The following NRXN3 variants were observed in gnomAD, a reference collection of about 807,000 sequenced individuals.
NRXN3 encodes the protein neurexin 3.
A neutral mutation model predicts 137.6 loss-of-function variants in NRXN3; 32 were observed. The observed-to-expected ratio is 0.23, with a 90% confidence interval of 0.18 to 0.31. The LOEUF (loss-of-function observed/expected upper bound fraction) is 0.31, where lower values mean the gene tolerates loss of function less well. Among genes scored for constraint, NRXN3 ranks in the 10% least tolerant of loss-of-function variants. The pLI, the probability that NRXN3 is intolerant of heterozygous loss-of-function variation, is 1.00. For synonymous variants in NRXN3, 798 were observed against 784.5 expected (o/e 1.02, Z -0.29); for missense variants, 1,574 against 2,062.5 (o/e 0.76, Z 4.59).
At chr14:79,027,529 A>G (rs778625023) in intron 15 of NRXN3, among the ~76,000 whole-genome samples, 2 of 152,152 alleles carry the variant, frequency 1.3e-5, no homozygotes, top group Non-Finnish European at 2.9e-5. Context: ...GGTTAATACA[A>G]ATTGAAGGTT....
At chr14:78,717,948 G>T (rs1440730752) in intron 8 of NRXN3, among the ~76,000 whole-genome samples, 1 of 152,022 alleles carries the variant, frequency 6.6e-6, no homozygotes, top group Non-Finnish European at 1.5e-5. Context: ...CCAGAGAAGG[G>T]GATCCAAGCT....
At chr14:78,489,491 G>C (rs943862250) in intron 4 of NRXN3, among the ~76,000 whole-genome samples, 2 of 152,124 alleles carry the variant, frequency 1.3e-5, no homozygotes, top group African/African-American at 2.4e-5. Flanking sequence ...CGCACACACA[G>C]AGGATATTTT....
chr14:78,314,910 T>C lies in NRXN3; in HGVS notation c.757+17050T>C, dbSNP rs200898704. On this transcript the variant is annotated intron_variant, in intron 4 of 20. Transcript: ENST00000335750. ...CTTTCTTTCTCTTTCTTTCTTTCTT[T>C]CTTTCTTTCTTTCTTTCTTTCTTTC... Among the ~76,000 whole-genome samples, 9 of 111,656 alleles carry C rather than the reference T, an allele frequency of 8.1e-5. No individual in the cohort carries two copies. In the South Asian group the frequency reaches 1.3e-3, roughly 16 times the overall value. The allele number at this position is 111,656 out of a possible 152,430, so 73.3% of individuals were successfully genotyped here. A position where few individuals can be genotyped will look rare whatever the true frequency, so the allele number is the denominator to read the frequency against.
At chr14:79,445,883 T>A (rs980907742) in intron 15 of NRXN3, among the ~76,000 whole-genome samples, 1 of 152,170 alleles carries the variant, frequency 6.6e-6, no homozygotes, top group African/African-American at 2.4e-5. Context: ...GGAATCCATT[T>A]GAGAATTGTG....
chr14:78,247,016 G>A lies in NRXN3; in HGVS notation c.709+3214G>A, dbSNP rs116485876. ...GGCTTGCACCTGGCATGGAAGGTCC[G>A]TTTTGTACTTCTTGCTTTAGCAGTT... On this transcript the variant is annotated intron_variant, in intron 2 of 20. Coordinates refer to ENST00000335750, the MANE Select transcript of NRXN3 (RefSeq NM_001330195.2). 6.7e-3 allele frequency among the ~76,000 whole-genome samples: 1,021 copies of A among 152,310 alleles called. 9 individuals carry two copies. The highest frequency in any genetic ancestry group is 0.023 in the African/African-American group (962 of 41,554).
At chr14:79,432,459 G>A (rs1160240219) in intron 15 of NRXN3, among the ~76,000 whole-genome samples, 3 of 151,996 alleles carry the variant, frequency 2.0e-5, no homozygotes, top group Admixed American at 6.6e-5. Flanking sequence ...TTGACAAGGC[G>A]CTTCTATGAT....
intron 4 of NRXN3, among the ~76,000 whole-genome samples, chr14:78,553,139 G>A (rs1273115659): frequency 6.6e-6 from 1 of 152,092 alleles, no homozygotes; most frequent in African/African-American, 2.4e-5. Context: ...TGTAGGCAGA[G>A]CTTTTTTATT....
intron 4 of NRXN3, among the ~76,000 whole-genome samples, chr14:78,527,991 G>A (rs1053303254): frequency 6.6e-6 from 1 of 152,206 alleles, no homozygotes; most frequent in African/African-American, 2.4e-5. Flanking sequence ...GCAGACAACT[G>A]TCTGCTGCTT....
chr14:78,894,623 A>G (rs1180212547), intron 10 of NRXN3, among the ~76,000 whole-genome samples: 1 of 151,930 alleles, frequency 6.6e-6, no homozygotes, highest in African/African-American at 2.4e-5. Flanking sequence ...AATGTTCTTT[A>G]TGGCATTTAC....
rs559480106 is a variant in NRXN3, at chr14:79,737,730, C to CT, written c.4014+39805dup. On this transcript the variant is annotated intron_variant, in intron 19 of 20. Transcript: ENST00000335750. The stretch of plus-strand genomic sequence containing the variant: ...TGGTGTGGCATTCTTTTCTTTCTTT[C>CT]TTTTTTTTTTTTAAGTCAGGGTCTC... Among the ~76,000 whole-genome samples the CT allele has an allele frequency of 4.9e-3, 707 of 144,426 alleles. 3 individuals are homozygous for CT. Among genetic ancestry groups the CT allele is most frequent in the Middle Eastern group, 0.014 (4 of 282 alleles). 94.7% of individuals were successfully genotyped at this position (144,426 alleles called of 152,430 possible).
At chr14:79,206,278 A>G (rs1408745565) in intron 15 of NRXN3, among the ~76,000 whole-genome samples, 2 of 152,206 alleles carry the variant, frequency 1.3e-5, no homozygotes, top group East Asian at 3.9e-4. Flanking sequence ...ATTAATCCTT[A>G]CAAGGGCCTT....
rs34025659 is a variant in NRXN3 at position 79,560,504 on chromosome 14, C to CTTTTTTTTTTTTTTTTTTTTTTTTTTTTT, written c.3444+93126_3444+93127insTTTTTTTTTTTTTTTTTTTTTTTTTTTTT. ...AATTCTACAAGGACAAGATTGTAAG[C>CTTTTTTTTTTTTTTTTTTTTTTTTTTTTT]TTTTTTTTTTTTTTTTTTTTTTTTG... On this transcript the variant is annotated intron_variant, in intron 16 of 20. Coordinates refer to ENST00000335750, the MANE Select transcript of NRXN3 (RefSeq NM_001330195.2). Among the ~76,000 whole-genome samples, 4 of 43,768 alleles carry CTTTTTTTTTTTTTTTTTTTTTTTTTTTTT rather than the reference C, an allele frequency of 9.1e-5. 1 individual carries two copies. The highest frequency in any genetic ancestry group is 1.6e-4 in the African/African-American group (2 of 12,286). 28.7% of individuals were successfully genotyped at this position (43,768 alleles called of 152,430 possible). A position where few individuals can be genotyped will look rare whatever the true frequency, so the allele number is the denominator to read the frequency against.
At chr14:78,526,631 T>C (rs2096383900) in intron 4 of NRXN3, 5 of 359,526 alleles carry the variant, frequency 1.4e-5, no homozygotes, top group Non-Finnish European at 2.2e-5. Flanking sequence ...ATATCTGCTT[T>C]ATCTGATAAT....
intron 20 of NRXN3, among the ~76,000 whole-genome samples, chr14:79,836,290 C>T (rs1347277422): frequency 1.3e-5 from 2 of 152,122 alleles, no homozygotes; most frequent in African/African-American, 4.8e-5. Context: ...TTCTAGTTAA[C>T]TTTCTTACAA....
intron 1 of NRXN3, among the ~76,000 whole-genome samples, chr14:78,188,822 G>A (rs533045056): frequency 1.3e-5 from 2 of 152,210 alleles, no homozygotes; most frequent in Admixed American, 1.3e-4. Context: ...CTACGGGTTG[G>A]TTGGGAATAT....
intron 1 of NRXN3, among the ~76,000 whole-genome samples, chr14:78,202,190 G>A (rs2061745651): frequency 6.6e-6 from 1 of 152,178 alleles, no homozygotes; most frequent in African/African-American, 2.4e-5. Flanking sequence ...AGGGGGAAAC[G>A]AAAGGCTGGG....
At chr14:78,174,344 C>G (rs2059058133) in intron 1 of NRXN3, among the ~76,000 whole-genome samples, 2 of 152,158 alleles carry the variant, frequency 1.3e-5, no homozygotes, top group African/African-American at 2.4e-5. Context: ...ACGCACAGCT[C>G]TGATCAGTGG....
intron 15 of NRXN3, among the ~76,000 whole-genome samples, chr14:79,151,442 C>T (rs1011331005): frequency 6.6e-6 from 1 of 152,046 alleles, no homozygotes; most frequent in Non-Finnish European, 1.5e-5. Flanking sequence ...GAACAGAACG[C>T]CACTCATCGT....
chr14:79,498,516 G>A (rs1432592471), intron 16 of NRXN3, among the ~76,000 whole-genome samples: 3 of 152,178 alleles, frequency 2.0e-5, no homozygotes, highest in Non-Finnish European at 4.4e-5. Flanking sequence ...GCTCCTTACA[G>A]AGTGATCCTT....
Sources: allele counts gnomAD v4.1 joint callset (sites outside exome capture counted in the v4.1 genomes callset), GRCh38; gene constraint gnomAD v4.1.1; transcripts MANE v1.5; gene names NCBI Gene and HGNC (gene_info 2026-07-23, HGNC 2026-07-21).